The following DCAF1 variants were observed in gnomAD, a reference collection of about 807,000 sequenced individuals.
DCAF1 encodes the protein DDB1- and CUL4-associated factor 1.
In DCAF1, 15 loss-of-function variants were observed where a neutral mutation model predicts 128.0. The ratio of observed to expected loss-of-function variants is 0.12; its 90% confidence interval spans 0.08 to 0.18. DCAF1 has a LOEUF of 0.18. Among genes scored for constraint, DCAF1 ranks in the 10% least tolerant of loss-of-function variants. DCAF1 has a pLI of 1.00. For missense variants in DCAF1, 988 were observed against 1,649.5 expected (o/e 0.60, Z 6.95); for synonymous variants, 610 against 603.0 (o/e 1.01, Z -0.17).
chr3:51,482,421 A>G (rs2108393050), intron 3 of DCAF1, among the ~76,000 whole-genome samples: 1 of 151,336 alleles, frequency 6.6e-6, no homozygotes, highest in African/African-American at 2.4e-5. Flanking sequence ...GCCTGGTGAC[A>G]GAGTGAGACC....
rs781973748 is a variant in DCAF1 at position 51,443,934 on chromosome 3, C to A, written c.376-31G>T. 7 of 1,539,400 alleles carry A rather than the reference C, an allele frequency of 4.5e-6. No homozygotes were observed. The African/African-American group carries it at 9.8e-5, about 22-fold the overall frequency. ...GTAAAGGAAATTAAATAGTACATTT[C>A]GGAAAAAGCCCAAGTTCATGATTAA... On this transcript the variant is annotated intron_variant, in intron 6 of 24. Transcript: ENST00000684031.
intron 2 of DCAF1, among the ~76,000 whole-genome samples, chr3:51,488,756 T>A (rs954107665): frequency 6.6e-6 from 1 of 151,376 alleles, no homozygotes; most frequent in Non-Finnish European, 1.5e-5. Context: ...TGAGCCAAGA[T>A]CGCGCCACTG....
rs151139778 is a variant in DCAF1 at position 51,483,972 on chromosome 3, G to A, written c.-8-136C>T. The stretch of plus-strand genomic sequence containing the variant: ...GGAAATTTAACCCCTTGAACCCTTT[G>A]GATTTATTTGTGGTACAGCAGAAAA... On this transcript the variant is annotated intron_variant, in intron 2 of 24. Coordinates refer to ENST00000684031, the MANE Select transcript of DCAF1 (RefSeq NM_001387579.1). 6.8e-5 allele frequency: 43 copies of A among 631,928 alleles called. No homozygotes were observed. The East Asian group carries it at 1.2e-3, about 17-fold the overall frequency. The allele number at this position is 631,928 out of a possible 1,614,324, so 39.1% of individuals were successfully genotyped here. A position where few individuals can be genotyped will look rare whatever the true frequency, so the allele number is the denominator to read the frequency against.
At chr3:51,445,525 CAA>C (rs1185153133) in intron 6 of DCAF1, among the ~76,000 whole-genome samples, 1 of 152,074 alleles carries the variant, frequency 6.6e-6, no homozygotes, top group Non-Finnish European at 1.5e-5. Context: ...GCTAGTGAAC[CAA>C]AAGTTACAAA....
At chr3:51,452,661 A>C (rs1181961627) in intron 6 of DCAF1, among the ~76,000 whole-genome samples, 1 of 152,192 alleles carries the variant, frequency 6.6e-6, no homozygotes, top group Admixed American at 6.5e-5. Flanking sequence ...ACTATAAAGA[A>C]CCAGAGATGA....
rs1553645294 is a variant in DCAF1 at position 51,463,230 on chromosome 3, G to A, written c.262-3C>T. 8.5e-6 allele frequency: 13 copies of A among 1,536,466 alleles called. No homozygotes were observed. The highest frequency in any genetic ancestry group is 1.1e-5 in the Non-Finnish European group (13 of 1,144,238). On this transcript the variant is annotated splice_region_variant and splice_polypyrimidine_tract_variant and intron_variant, in intron 5 of 24. Transcript: ENST00000684031. ...GTCATCACATATGCATTCACCAGCT[G>A]TAAAGAAAAAAAAGAAATACTGTTC...
At chr3:51,457,489 G>A (rs1029937314) in intron 6 of DCAF1, among the ~76,000 whole-genome samples, 17 of 152,166 alleles carry the variant, frequency 1.1e-4, no homozygotes, top group Non-Finnish European at 2.1e-4. Flanking sequence ...AAAACACTCT[G>A]CAGGATATTA....
chr3:51,417,897 G>T (rs1227009084), intron 17 of DCAF1, among the ~76,000 whole-genome samples: 1 of 151,956 alleles, frequency 6.6e-6, no homozygotes, highest in African/African-American at 2.4e-5. Flanking sequence ...CTGGGTCGGG[G>T]TCTGCTGCAT....
intron 3 of DCAF1, among the ~76,000 whole-genome samples, chr3:51,478,420 G>A (rs573234880): frequency 6.6e-6 from 1 of 152,264 alleles, no homozygotes; most frequent in South Asian, 2.1e-4. Context: ...GATAAAATAT[G>A]ATAATGTAAA....
At position 51,420,356 on chromosome 3, in the gene DCAF1, T is replaced by C. The variant is rs1699288119; in HGVS notation, c.2614A>G (p.Lys872Glu). Reference protein sequence around the residue: ...GLGETATVLTKEADLPMTAAS... With the variant: ...GLGETATVLTEEADLPMTAAS... ...GCAGTCATGGGCAGGTCAGCCTCTT[T>C]TGTCAGCACGGTTGCTGTTTCTCCA... is the stretch of plus-strand genomic sequence containing the variant. Residue 872 changes from lysine to glutamate, a missense_variant, in exon 15 of 25, where the codon AAA (lysine) becomes GAA (glutamate). Lys to Glu is a moderately conservative substitution (Grantham distance 56, BLOSUM62 1). Transcript: ENST00000684031. The surrounding 1 kb of genome is among the most constrained non-coding windows in gnomAD (Gnocchi z 6.5). 2 of 1,613,980 alleles carry C rather than the reference T, an allele frequency of 1.2e-6. No individual in the cohort carries two copies. Among genetic ancestry groups the C allele is most frequent in the South Asian group, 2.2e-5 (2 of 91,078 alleles).
At chr3:51,411,302 G>A (rs143244444) in intron 23 of DCAF1, among the ~76,000 whole-genome samples, 1,573 of 152,178 alleles carry the variant, frequency 0.01, 24 homozygotes, top group South Asian at 0.038. Context: ...TCAAATCCTA[G>A]TCATTCATTT....
At chr3:51,460,611 T>A (rs1316462359) in intron 6 of DCAF1, among the ~76,000 whole-genome samples, 2 of 151,816 alleles carry the variant, frequency 1.3e-5, no homozygotes, top group Non-Finnish European at 3.0e-5. Flanking sequence ...AAGTCAATCC[T>A]AAGCCAAAAG....
intron 6 of DCAF1, among the ~76,000 whole-genome samples, chr3:51,457,667 G>A (rs1292911741): frequency 6.6e-6 from 1 of 152,034 alleles, no homozygotes; most frequent in African/African-American, 2.4e-5. Flanking sequence ...CAGAGAGAAA[G>A]GTCGGGTTAC....
chr3:51,444,631 C>G (rs1174371079), intron 6 of DCAF1, among the ~76,000 whole-genome samples: 1 of 151,862 alleles, frequency 6.6e-6, no homozygotes, highest in Admixed American at 6.6e-5. Context: ...GGATTACAGG[C>G]GTGAGCAACC....
chr3:51,453,951 CAA>C (rs200483134), intron 6 of DCAF1, among the ~76,000 whole-genome samples: 3 of 129,682 alleles, frequency 2.3e-5, no homozygotes, highest in Non-Finnish European at 1.7e-5. Flanking sequence ...GACTCCATCT[CAA>C]AAAAAAAAAA....
chr3:51,504,059 A>T (rs1355282820), upstream of DCAF1, among the ~76,000 whole-genome samples: 4 of 138,706 alleles, frequency 2.9e-5, no homozygotes, highest in Non-Finnish European at 6.1e-5. Flanking sequence ...TTTTTTTGAG[A>T]TGGAGTCTGG....
At position 51,403,414 on chromosome 3, in the gene DCAF1, G is replaced by A. The variant is rs1230564668; in HGVS notation, c.4213-19C>T. On this transcript the variant is annotated intron_variant, in intron 23 of 24. Coordinates refer to ENST00000684031, the MANE Select transcript of DCAF1 (RefSeq NM_001387579.1). Reference sequence around the variant, plus strand: ...CCTCTTCCTGGTAAGAAAGCGTAATGTTCATTAGTACAAACACAGAGGCCT... The same window carrying A: ...CCTCTTCCTGGTAAGAAAGCGTAATATTCATTAGTACAAACACAGAGGCCT... The A allele has an allele frequency of 3.2e-5, 49 of 1,551,454 alleles. No individual in the cohort carries two copies. Among genetic ancestry groups the A allele is most frequent in the Non-Finnish European group, 4.3e-5 (49 of 1,146,894 alleles).
intron 23 of DCAF1, among the ~76,000 whole-genome samples, chr3:51,411,362 C>T (rs1698400885): frequency 6.6e-6 from 1 of 152,054 alleles, no homozygotes. Flanking sequence ...GAAAATTAGA[C>T]AAAAGAATCT....
chr3:51,501,299 G>A (rs138763819), upstream of DCAF1, among the ~76,000 whole-genome samples: 1,892 of 152,154 alleles, frequency 0.012, 25 homozygotes, highest in Non-Finnish European at 0.021. Flanking sequence ...GGGAGTGAGC[G>A]ACTTGCCCAG....
Sources: allele counts gnomAD v4.1 joint callset (sites outside exome capture counted in the v4.1 genomes callset), GRCh38; gene constraint gnomAD v4.1.1; non-coding constraint Gnocchi (gnomAD v3.1); transcripts MANE v1.5; gene names NCBI Gene and HGNC (gene_info 2026-07-23, HGNC 2026-07-21).